Variants in TEAD4 observed in about 807,000 individuals in gnomAD.
TEAD4 encodes the protein TEA domain transcription factor 4.
A neutral mutation model predicts 52.4 loss-of-function variants in TEAD4; 36 were observed. The ratio of observed to expected loss-of-function variants is 0.69; its 90% CI spans 0.53 to 0.91. TEAD4 has a LOEUF of 0.91. Among genes scored for constraint, TEAD4 ranks in the 40% least tolerant of loss-of-function variants. The pLI, the probability that TEAD4 is intolerant of heterozygous loss-of-function variation, is 0.00. For missense variants in TEAD4, 508 were observed against 583.9 expected (o/e 0.87, Z 1.34); for synonymous variants, 220 against 231.0 (o/e 0.95, Z 0.43).
intron 2 of TEAD4, among the ~76,000 whole-genome samples, chr12:2,964,198 C>T (rs1173066859): frequency 2.0e-5 from 3 of 152,184 alleles, no homozygotes; most frequent in African/African-American, 7.2e-5. Flanking sequence ...GCACAGGGCT[C>T]GTGTTTGCCA....
intron 8 of TEAD4, among the ~76,000 whole-genome samples, chr12:3,020,219 T>C (rs1311234414): frequency 6.6e-6 from 1 of 152,172 alleles, no homozygotes; most frequent in Non-Finnish European, 1.5e-5. Context: ...ACAGGAAACG[T>C]CCCCGTCTCT....
chr12:2,988,238 C>T (rs1382161532), intron 2 of TEAD4, among the ~76,000 whole-genome samples: 3 of 151,788 alleles, frequency 2.0e-5, no homozygotes, highest in East Asian at 1.9e-4. Context: ...AGGGGTCTGG[C>T]GCGGTGGTTC....
At chr12:3,010,510 C>T (rs1170150472) in intron 3 of TEAD4, among the ~76,000 whole-genome samples, 1 of 152,216 alleles carries the variant, frequency 6.6e-6, no homozygotes, top group Non-Finnish European at 1.5e-5. Context: ...AGTTGCACCC[C>T]CCATGCCCGC....
In TEAD4 at chr12:2,962,329, TATAA is replaced by T. The variant is rs1311420600; in HGVS notation, c.-30+2293_-30+2296del. On this transcript the variant is annotated intron_variant, in intron 2 of 12. Coordinates refer to ENST00000359864, the MANE Select transcript of TEAD4 (RefSeq NM_003213.4). ...ATAAATATATAAATATATATATAAA[TATAA>T]ATATATATATATATTTTTTGAGATG... is the stretch of plus-strand genomic sequence containing the variant. Among the ~76,000 whole-genome samples the T allele has an allele frequency of 1.1e-3, 100 of 93,216 alleles. 1 individual carries two copies. Among genetic ancestry groups the T allele is most frequent in the African/African-American group, 5.6e-3 (99 of 17,782 alleles). The allele number at this position is 93,216 out of a possible 152,430, so 61.2% of individuals were successfully genotyped here.
Position 3,040,542 on chromosome 12 carries a change from G to A in TEAD4, c.*64G>A. 6.9e-7 allele frequency: 1 copy of A among 1,441,486 alleles called. No homozygotes were observed. The highest frequency in any genetic ancestry group is 1.2e-5 in the South Asian group (1 of 84,440). The allele number at this position is 1,441,486 out of a possible 1,614,324, so 89.3% of individuals were successfully genotyped here. A position where few individuals can be genotyped will look rare whatever the true frequency, so the allele number is the denominator to read the frequency against. ...GCAGGAAACGGGGACGTGGGGAGGG[G>A]ACCTGCAGGGGCAGCCCCCTGAAGT... On this transcript the variant is annotated 3_prime_UTR_variant, in exon 13 of 13. Transcript: ENST00000359864.
At chr12:3,026,858 T>G (rs1014314124) in intron 10 of TEAD4, among the ~76,000 whole-genome samples, 1 of 152,198 alleles carries the variant, frequency 6.6e-6, no homozygotes, top group Non-Finnish European at 1.5e-5. Flanking sequence ...TAATTTCGGC[T>G]CTGACATTTT....
chr12:2,979,461 A>G (rs2098232439), intron 2 of TEAD4, among the ~76,000 whole-genome samples: 2 of 152,230 alleles, frequency 1.3e-5, no homozygotes, highest in South Asian at 4.1e-4. Flanking sequence ...AGACACCTGC[A>G]GGAGAGCTGA....
intron 7 of TEAD4, 151 bp downstream of exon 7, chr12:3,018,739 C>A: frequency 2.1e-6 from 2 of 951,726 alleles, no homozygotes; most frequent in South Asian, 1.5e-5. Context: ...GGATTGGGCT[C>A]TTCTACTGTC....
intron 6 of TEAD4, among the ~76,000 whole-genome samples, chr12:3,018,168 C>T (rs1450650518): frequency 6.6e-6 from 1 of 152,216 alleles, no homozygotes. Context: ...GAGCACTAGT[C>T]CATCTGCATG....
rs139817097 is a variant in TEAD4, at chr12:3,024,481, C to T, written c.897+2464C>T. Among the ~76,000 whole-genome samples, 635 of 152,082 alleles carry T rather than the reference C, an allele frequency of 4.2e-3. 1 individual carries two copies. The highest frequency in any genetic ancestry group is 6.6e-3 in the Non-Finnish European group (447 of 67,980). On this transcript the variant is annotated intron_variant, in intron 10 of 12. Coordinates refer to ENST00000359864, the MANE Select transcript of TEAD4 (RefSeq NM_003213.4). ...TTGAGTTCAAGACCAGCCTGGGCAA[C>T]ATGATGAAACCCCATCTATACAAAA...
At chr12:3,005,592 G>T (rs1011564233) in intron 3 of TEAD4, among the ~76,000 whole-genome samples, 5 of 151,998 alleles carry the variant, frequency 3.3e-5, no homozygotes, top group Admixed American at 1.3e-4. Context: ...TGCCTCCTGG[G>T]TTCAAGCCAT....
intron 10 of TEAD4, among the ~76,000 whole-genome samples, chr12:3,030,374 G>A (rs2098274769): frequency 6.6e-6 from 1 of 152,162 alleles, no homozygotes; most frequent in African/African-American, 2.4e-5. Flanking sequence ...GGAGGGGTGG[G>A]CCTGGGGGCT....
chr12:2,966,706 C>A (rs960655461), intron 2 of TEAD4, among the ~76,000 whole-genome samples: 105 of 151,740 alleles, frequency 6.9e-4, no homozygotes, highest in Admixed American at 1.8e-3. Flanking sequence ...CCACCATGCC[C>A]GGCGTATTTC....
rs2098276627 is a variant in TEAD4, at chr12:3,032,868, T to G, written c.898-5100T>G. The stretch of plus-strand genomic sequence containing the variant: ...ACGGGGAAAGGTACATATTCGTGTT[T>G]GCTGACAATGAGACTTTGCGTCAAT... On this transcript the variant is annotated intron_variant, in intron 10 of 12. Coordinates refer to ENST00000359864, the MANE Select transcript of TEAD4 (RefSeq NM_003213.4). 2.6e-5 allele frequency among the ~76,000 whole-genome samples: 4 copies of G among 152,336 alleles called. No individual in the cohort carries two copies. In the South Asian group the frequency reaches 8.3e-4, roughly 32 times the overall value.
chr12:3,010,942 C>T, intron 3 of TEAD4, 62 bp from the exon 4 acceptor site: 2 of 1,589,340 alleles, frequency 1.3e-6, no homozygotes, highest in South Asian at 1.1e-5. Context: ...TACCCCGCAC[C>T]CCCTCACTGC....
chr12:3,029,533 C>T (rs939396071), intron 10 of TEAD4, among the ~76,000 whole-genome samples: 19 of 151,940 alleles, frequency 1.3e-4, no homozygotes, highest in African/African-American at 3.9e-4. Context: ...CCACCGCGCC[C>T]GGCCCAAGTT....
intron 6 of TEAD4, among the ~76,000 whole-genome samples, chr12:3,017,736 A>T (rs962797839): frequency 1.3e-5 from 2 of 152,142 alleles, no homozygotes; most frequent in Non-Finnish European, 2.9e-5. Context: ...GGTCCTCGGC[A>T]ATGACTCCAC....
intron 10 of TEAD4, among the ~76,000 whole-genome samples, chr12:3,027,148 C>T (rs1014833207): frequency 3.3e-5 from 5 of 152,038 alleles, no homozygotes; most frequent in Admixed American, 2.0e-4. Context: ...CCCGCTACCA[C>T]GCTTGGCTAA....
chr12:3,019,625 C>T (rs1442515593), intron 8 of TEAD4, among the ~76,000 whole-genome samples: 1 of 152,168 alleles, frequency 6.6e-6, no homozygotes, highest in Non-Finnish European at 1.5e-5. Context: ...CTGACAGGAG[C>T]CCCCACCCCG....
Sources: gnomAD v4.1 joint callset for allele counts (sites outside exome capture counted in the v4.1 genomes callset) on GRCh38, gnomAD v4.1.1 for gene constraint, MANE v1.5 for transcripts, NCBI Gene and HGNC (gene_info 2026-07-23, HGNC 2026-07-21) for gene names.